Variants in ANKFY1 observed in about 807,000 individuals in gnomAD.
ANKFY1 encodes the protein ankyrin repeat and FYVE domain-containing protein 1.
ANKFY1 carries 47 observed loss-of-function variants against 128.3 expected under a neutral mutation model. The observed-to-expected ratio is 0.37, with a 90% CI of 0.29 to 0.47. ANKFY1 has a LOEUF of 0.47. ANKFY1 is among the 20% of genes least tolerant of loss of function. The pLI is 1.00. For missense variants in ANKFY1, 1,222 were observed against 1,510.6 expected (o/e 0.81, Z 3.17); for synonymous variants, 553 against 601.6 (o/e 0.92, Z 1.18).
rs555175756 is a variant in ANKFY1 at position 4,212,832 on chromosome 17, A to G, written c.459-2885T>C. ...TGTCGCCAGGCTGGAGTGCAGTGAC[A>G]TGATCTTGGCTCACTGCAACCTCCG... is the stretch of plus-strand genomic sequence containing the variant. On this transcript the variant is annotated intron_variant, in intron 4 of 24. Coordinates refer to ENST00000341657, the MANE Select transcript of ANKFY1 (RefSeq NM_001330063.2). 2.2e-3 allele frequency among the ~76,000 whole-genome samples: 327 copies of G among 149,862 alleles called. 2 individuals carry two copies. The highest frequency in any genetic ancestry group is 1.9e-3 in the Non-Finnish European group (132 of 67,766).
chr17:4,234,825 A>T (rs564264833), intron 3 of ANKFY1, among the ~76,000 whole-genome samples: 11 of 152,272 alleles, frequency 7.2e-5, no homozygotes, highest in East Asian at 5.8e-4. Flanking sequence ...TTCTTTTTTT[A>T]AAAACAAATT....
chr17:4,212,874 G>A (rs899158158), intron 4 of ANKFY1, among the ~76,000 whole-genome samples: 2 of 150,776 alleles, frequency 1.3e-5, no homozygotes, highest in East Asian at 2.0e-4. Flanking sequence ...AGGTTCAAGC[G>A]ATTCTCCTGC....
chr17:4,254,557 T>G (rs1433218684), intron 1 of ANKFY1, among the ~76,000 whole-genome samples: 1 of 152,182 alleles, frequency 6.6e-6, no homozygotes, highest in African/African-American at 2.4e-5. Flanking sequence ...GTGATACTGA[T>G]TTCAATCAGA....
rs953061295 is a variant in ANKFY1, at chr17:4,259,335, C to T, written c.10+4597G>A. Among the ~76,000 whole-genome samples the T allele has an allele frequency of 6.6e-5, 10 of 152,160 alleles. No homozygotes were observed. In the East Asian group the frequency reaches 1.3e-3, roughly 20 times the overall value. ...AGTCTCTGTTGCTCAGGCTGGAGTG[C>T]GGTGGCGCGATCTCGGATCACTGCA... On this transcript the variant is annotated intron_variant, in intron 1 of 24. Transcript: ENST00000341657.
chr17:4,174,130 C>A, intron 19 of ANKFY1, 74 bp from the exon 20 acceptor site: 3 of 1,546,982 alleles, frequency 1.9e-6, no homozygotes, highest in Non-Finnish European at 2.6e-6. Flanking sequence ...GCCGAGCCTG[C>A]TTGTCTTCTG....
rs140072169 is a variant in ANKFY1, at chr17:4,179,622, C to T, written c.2397+99G>A. On this transcript the variant is annotated intron_variant, in intron 17 of 24. Transcript: ENST00000341657. ...AGGTCGTGTGTTCATGAAGCAGCAG[C>T]GCCTGGAACTGGGGACTGTGCAAGG... 1.7e-3 allele frequency: 2,411 copies of T among 1,457,044 alleles called. 46 individuals are homozygous for T. In the South Asian group the frequency reaches 0.023, roughly 14 times the overall value. 90.3% of individuals were successfully genotyped at this position (1,457,044 alleles called of 1,614,324 possible).
chr17:4,185,156 C>A (rs1308412656), intron 11 of ANKFY1, 110 bp from the exon 12 acceptor site: 1 of 882,262 alleles, frequency 1.1e-6, no homozygotes, highest in Non-Finnish European at 1.8e-6. Context: ...CTGCCGCCAG[C>A]TGCCCCTCCT....
chr17:4,178,822 G>C lies in ANKFY1; in HGVS notation c.2598+35C>G, dbSNP rs377442824. 5 of 1,603,588 alleles carry C rather than the reference G, an allele frequency of 3.1e-6. No homozygotes were observed. Among genetic ancestry groups the C allele is most frequent in the Non-Finnish European group, 4.3e-6 (5 of 1,171,408 alleles). ...AGTCTCCAGGTTCCGCGACGCCCAG[G>C]ACCATGTGGAGAAGGTCAGGTGTTA... On this transcript the variant is annotated intron_variant, in intron 18 of 24. Coordinates refer to ENST00000341657, the MANE Select transcript of ANKFY1 (RefSeq NM_001330063.2). This position sits in a 1 kb window ranked among gnomAD's most constrained non-coding sequence, Gnocchi z 4.1.
chr17:4,260,510 T>C (rs184157442), intron 1 of ANKFY1, among the ~76,000 whole-genome samples: 12 of 149,366 alleles, frequency 8.0e-5, no homozygotes, highest in African/African-American at 2.7e-4. Flanking sequence ...CCCAGCTACT[T>C]GGGAGGCTGA....
At chr17:4,257,383 T>C (rs577547753) in intron 1 of ANKFY1, among the ~76,000 whole-genome samples, 4 of 152,304 alleles carry the variant, frequency 2.6e-5, no homozygotes, top group African/African-American at 7.2e-5. Flanking sequence ...TTCCTTTCGG[T>C]AGTATCGCTC....
chr17:4,226,040 GC>G (rs1324594152), intron 3 of ANKFY1, among the ~76,000 whole-genome samples: 1 of 152,154 alleles, frequency 6.6e-6, no homozygotes, highest in African/African-American at 2.4e-5. Context: ...GGGATTACAG[GC>G]GTGAGCCACT....
intron 7 of ANKFY1, among the ~76,000 whole-genome samples, chr17:4,204,848 C>T (rs2059992912): frequency 6.6e-6 from 1 of 152,172 alleles, no homozygotes; most frequent in Non-Finnish European, 1.5e-5. Context: ...TTGCACAGCA[C>T]ATAACGGTGC....
At position 4,221,645 on chromosome 17, in the gene ANKFY1, G is replaced by A. The variant is rs190200384; in HGVS notation, c.323-4527C>T. ...TTTTTTTCTTTTTATTTGGGTCAGAGTCTCACTCTGTTACCCAGGCTGCAG... is the reference window on the plus strand; with the variant it reads ...TTTTTTTCTTTTTATTTGGGTCAGAATCTCACTCTGTTACCCAGGCTGCAG... On this transcript the variant is annotated intron_variant, in intron 3 of 24. Coordinates refer to ENST00000341657, the MANE Select transcript of ANKFY1 (RefSeq NM_001330063.2). Among the ~76,000 whole-genome samples, 61 of 152,176 alleles carry A rather than the reference G, an allele frequency of 4.0e-4. No individual in the cohort carries two copies. The East Asian group carries it at 0.011, about 27-fold the overall frequency.
At position 4,173,954 on chromosome 17, in the gene ANKFY1, C is replaced by G; in HGVS notation, c.2878G>C (p.Glu960Gln). 1.2e-6 allele frequency: 2 copies of G among 1,614,172 alleles called. No individual in the cohort carries two copies. Among genetic ancestry groups the G allele is most frequent in the Non-Finnish European group, 1.7e-6 (2 of 1,179,990 alleles). Reference sequence around the variant, plus strand: ...ACGGCAGCAAAGTCCACGCCATTCTCTAGGAGGACTGAGCAGATGGTGGGC... The same window carrying G: ...ACGGCAGCAAAGTCCACGCCATTCTGTAGGAGGACTGAGCAGATGGTGGGC... ...DLPTICSVLL[E>Q]NGVDFAAVDE... The change falls in exon 20 of 25, where the codon GAG becomes CAG. Residue 960 changes from glutamate (E) to glutamine (Q), a missense_variant. By Grantham distance (29) the Glu-to-Gln change is conservative (BLOSUM62 2). Coordinates refer to ENST00000341657, the MANE Select transcript of ANKFY1 (RefSeq NM_001330063.2).
chr17:4,208,230 G>T, intron 5 of ANKFY1, 148 bp from the exon 6 acceptor site: 1 of 653,296 alleles, frequency 1.5e-6, no homozygotes, highest in Non-Finnish European at 2.4e-6. Flanking sequence ...AAAACCCAAT[G>T]AAGTAAGTAC....
At chr17:4,187,469 G>A in intron 11 of ANKFY1, 1 of 388,544 alleles carries the variant, frequency 2.6e-6, no homozygotes, top group Non-Finnish European at 4.5e-6. Context: ...CCCTCCAATG[G>A]CTCTTCTGTC....
intron 1 of ANKFY1, among the ~76,000 whole-genome samples, chr17:4,248,480 T>C (rs1235794858): frequency 6.6e-6 from 1 of 152,184 alleles, no homozygotes; most frequent in African/African-American, 2.4e-5. Context: ...CCAAAAAGAT[T>C]GGGGACCACT....
At chr17:4,261,268 C>T (rs1968399890) in intron 1 of ANKFY1, among the ~76,000 whole-genome samples, 1 of 152,190 alleles carries the variant, frequency 6.6e-6, no homozygotes, top group South Asian at 2.1e-4. Context: ...GCCGGCAGAT[C>T]AGCTGAGGTT....
At chr17:4,255,243 CTTTTT>C (rs1177087196) in intron 1 of ANKFY1, among the ~76,000 whole-genome samples, 1 of 119,894 alleles carries the variant, frequency 8.3e-6, no homozygotes, top group Admixed American at 8.3e-5. Flanking sequence ...TCATGTAATT[CTTTTT>C]TTTTTTTTTT....
Sources: gnomAD v4.1 joint callset for allele counts (sites outside exome capture counted in the v4.1 genomes callset) on GRCh38, gnomAD v4.1.1 for gene constraint, Gnocchi (gnomAD v3.1) non-coding constraint, MANE v1.5 for transcripts, NCBI Gene and HGNC (gene_info 2026-07-23, HGNC 2026-07-21) for gene names.